NMNAT2: variants seen among roughly 807,000 people sequenced by gnomAD.
The protein encoded by NMNAT2 is nicotinamide nucleotide adenylyltransferase 2, also known as nicotinamide/nicotinic acid mononucleotide adenylyltransferase 2.
Under a neutral mutation model 41.6 loss-of-function variants are expected in NMNAT2, and 11 were observed. That is an observed-to-expected ratio of 0.26 (90% confidence interval 0.17 to 0.44). The LOEUF is 0.44. Ranked by LOEUF, NMNAT2 falls within the 20% of genes least tolerant of loss-of-function variation. The pLI, the probability that NMNAT2 is intolerant of heterozygous loss-of-function variation, is 1.00. For missense variants in NMNAT2, 288 were observed against 407.7 expected, an observed-to-expected ratio of 0.71 and a Z score of 2.53; for synonymous variants, 148 against 151.2, an observed-to-expected ratio of 0.98 and a Z score of 0.16.
intron 1 of NMNAT2, among the ~76,000 whole-genome samples, chr1:183,382,190 G>T (rs1036423499): frequency 6.6e-6 from 1 of 152,128 alleles, no homozygotes; most frequent in Non-Finnish European, 1.5e-5. Flanking sequence ...AGCAGGAGAA[G>T]GAGAGCAAAG....
intron 1 of NMNAT2, among the ~76,000 whole-genome samples, chr1:183,328,504 G>A (rs1662515211): frequency 6.6e-6 from 1 of 152,216 alleles, no homozygotes; most frequent in South Asian, 2.1e-4. Context: ...CCTTTCTGAG[G>A]GAGATGGTGA....
chr1:183,341,725 CA>C lies in NMNAT2; in HGVS notation c.86-47933del, dbSNP rs762935303. Among the ~76,000 whole-genome samples, 57 of 22,210 alleles carry C rather than the reference CA, an allele frequency of 2.6e-3. 1 individual carries two copies. The highest frequency in any genetic ancestry group is 5.6e-3 in the South Asian group (2 of 360). The allele number at this position is 22,210 out of a possible 152,430, so 14.6% of individuals were successfully genotyped here. A position where few individuals can be genotyped will look rare whatever the true frequency, so the allele number is the denominator to read the frequency against. ...GAGGAAAAGACAAACAAACAAACACCAAAAAAAAAAAAAAAAAAAAAACCTG... is the reference window on the plus strand; with the variant it reads ...GAGGAAAAGACAAACAAACAAACACCAAAAAAAAAAAAAAAAAAAAACCTG... On this transcript the variant is annotated intron_variant, in intron 1 of 10. Coordinates refer to ENST00000287713, the MANE Select transcript of NMNAT2 (RefSeq NM_015039.4).
chr1:183,353,231 C>T (rs1370997079), intron 1 of NMNAT2, among the ~76,000 whole-genome samples: 1 of 152,052 alleles, frequency 6.6e-6, no homozygotes, highest in Non-Finnish European at 1.5e-5. Flanking sequence ...TGGTCTTGAA[C>T]TCCTGACCTC....
intron 1 of NMNAT2, among the ~76,000 whole-genome samples, chr1:183,344,144 T>C (rs986433067): frequency 3.3e-5 from 5 of 152,226 alleles, no homozygotes; most frequent in African/African-American, 9.6e-5. Context: ...ATTTTCATCA[T>C]CATTATACTC....
intron 1 of NMNAT2, among the ~76,000 whole-genome samples, chr1:183,307,307 CTTTT>C (rs35308886): frequency 2.2e-5 from 3 of 138,340 alleles, no homozygotes; most frequent in African/African-American, 2.7e-5. Flanking sequence ...ACAAAGGGTT[CTTTT>C]TTTTTTTTTT....
At chr1:183,304,570 A>T in intron 1 of NMNAT2, 1 of 1,144,946 alleles carries the variant, frequency 8.7e-7, no homozygotes, top group Non-Finnish European at 1.3e-6. Flanking sequence ...GCAAACCTTG[A>T]GAAGCTCCGC....
Position 183,281,141 on chromosome 1 carries a change from C to T in NMNAT2, c.575-2512G>A, listed in dbSNP as rs146116739. On this transcript the variant is annotated intron_variant, in intron 7 of 10. Coordinates refer to ENST00000287713, the MANE Select transcript of NMNAT2 (RefSeq NM_015039.4). ...ATAATTCTTCCTCTTCCAATGTTGC[C>T]CAGGGAAGCCAAAAGATTGGACAGC... Among the ~76,000 whole-genome samples the T allele has an allele frequency of 3.3e-3, 496 of 152,220 alleles. 2 individuals are homozygous for T. The highest frequency in any genetic ancestry group is 0.012 in the African/African-American group (482 of 41,532).
At chr1:183,367,455 T>A (rs1486305059) in intron 1 of NMNAT2, among the ~76,000 whole-genome samples, 1 of 152,088 alleles carries the variant, frequency 6.6e-6, no homozygotes, top group East Asian at 1.9e-4. Flanking sequence ...CAAAACTCTG[T>A]CTCAAGTAAA....
At chr1:183,349,028 G>A (rs890458278) in intron 1 of NMNAT2, among the ~76,000 whole-genome samples, 1 of 152,160 alleles carries the variant, frequency 6.6e-6, no homozygotes, top group Non-Finnish European at 1.5e-5. Flanking sequence ...CCACTGCAGA[G>A]TGTTACCTGC....
In NMNAT2 at chr1:183,252,726, C is replaced by G; in HGVS notation, c.839G>C (p.Gly280Ala). The change falls in exon 11 of 11, where the codon GGG becomes GCG. Residue 280 changes from glycine (G) to alanine (A), a missense_variant. By Grantham distance (60) the Gly-to-Ala change is moderately conservative (BLOSUM62 0). Around this residue, in one of 3 missense-constraint regions of NMNAT2, gnomAD observed 181 missense variants for 213.7 expected, o/e 0.85. Transcript: ENST00000287713. Reference sequence around the variant, plus strand: ...CAGGTAATCCACAACATGGCCGTCCCCATGCTGCAGGGCCAGCCTGCACAA... The same window carrying G: ...CAGGTAATCCACAACATGGCCGTCCGCATGCTGCAGGGCCAGCCTGCACAA... ...STKSRLALQH[G>A]DGHVVDYLSQ... 1 of 1,613,952 alleles carries G rather than the reference C, an allele frequency of 6.2e-7. No homozygotes were observed. Among genetic ancestry groups the G allele is most frequent in the Non-Finnish European group, 8.5e-7 (1 of 1,179,886 alleles).
At chr1:183,316,446 C>A (rs1354574166) in intron 1 of NMNAT2, among the ~76,000 whole-genome samples, 1 of 152,204 alleles carries the variant, frequency 6.6e-6, no homozygotes, top group African/African-American at 2.4e-5. Context: ...CCCTCACCTC[C>A]CCATACACAT....
chr1:183,322,441 G>A (rs1229342391), intron 1 of NMNAT2, among the ~76,000 whole-genome samples: 1 of 152,042 alleles, frequency 6.6e-6, no homozygotes, highest in African/African-American at 2.4e-5. Context: ...GAAACTTTAG[G>A]GCTAGGTACC....
At chr1:183,403,826 T>G (rs1648883384) in intron 1 of NMNAT2, among the ~76,000 whole-genome samples, 2 of 152,194 alleles carry the variant, frequency 1.3e-5, no homozygotes, top group Non-Finnish European at 2.9e-5. Context: ...AGAGAAGGAT[T>G]AGGGAATCAG....
rs373003946 is a variant in NMNAT2 at position 183,281,074 on chromosome 1, C to T, written c.575-2445G>A. On this transcript the variant is annotated intron_variant, in intron 7 of 10. Transcript: ENST00000287713. ...TGCTGGGATTATAGGCTTGAGTCAC[C>T]GCGCCCAGCCTAGTGTTAGTGTATT... 1.8e-3 allele frequency among the ~76,000 whole-genome samples: 279 copies of T among 152,158 alleles called. 1 individual carries two copies. Among genetic ancestry groups the T allele is most frequent in the African/African-American group, 6.5e-3 (268 of 41,528 alleles).
chr1:183,412,144 A>C (rs1048548049), intron 1 of NMNAT2, among the ~76,000 whole-genome samples: 4 of 152,226 alleles, frequency 2.6e-5, no homozygotes, highest in African/African-American at 9.6e-5. Flanking sequence ...AGAGATACGG[A>C]GCTCTGGAGG....
intron 1 of NMNAT2, among the ~76,000 whole-genome samples, chr1:183,310,684 A>G (rs745924352): frequency 1.1e-4 from 16 of 152,212 alleles, no homozygotes; most frequent in Non-Finnish European, 2.2e-4. Context: ...TTAACATCCT[A>G]TAATGCACAG....
At chr1:183,320,539 G>A (rs534358181) in intron 1 of NMNAT2, among the ~76,000 whole-genome samples, 4 of 152,346 alleles carry the variant, frequency 2.6e-5, no homozygotes, top group Admixed American at 1.3e-4. Context: ...CCAGGAGGCA[G>A]AGGTTGTAGT....
chr1:183,313,402 A>G (rs535978329), intron 1 of NMNAT2, among the ~76,000 whole-genome samples: 1 of 152,380 alleles, frequency 6.6e-6, no homozygotes, highest in Admixed American at 6.5e-5. Context: ...TTTGGTTAGC[A>G]AGGAAAAAAG....
chr1:183,365,796 G>A (rs774168449), intron 1 of NMNAT2, among the ~76,000 whole-genome samples: 1 of 151,980 alleles, frequency 6.6e-6, no homozygotes, highest in African/African-American at 2.4e-5. Flanking sequence ...TCTGAGACAC[G>A]GTGTTGTATA....
Sources: gnomAD v4.1 joint callset for allele counts (sites outside exome capture counted in the v4.1 genomes callset) on GRCh38, gnomAD v4.1.1 for gene constraint, gnomAD v4.1.1 regional missense constraint, MANE v1.5 for transcripts, NCBI Gene and HGNC (gene_info 2026-07-23, HGNC 2026-07-21) for gene names.